Variants in FLNB observed in about 807,000 individuals in gnomAD.
The protein encoded by FLNB is filamin-B.
Under a neutral mutation model 250.6 loss-of-function variants are expected in FLNB, and 111 were observed. The observed-to-expected ratio is 0.44, with a 90% CI of 0.38 to 0.52. The LOEUF (loss-of-function observed/expected upper bound fraction) is 0.52, where lower values mean the gene tolerates loss of function less well. Among genes scored for constraint, FLNB ranks in the 20% least tolerant of loss-of-function variants. The pLI is 0.00. For missense variants in FLNB, 2,869 were observed against 3,447.8 expected, an observed-to-expected ratio of 0.83 and a Z score of 4.20; for synonymous variants, 1,302 against 1,372.1, an observed-to-expected ratio of 0.95 and a Z score of 1.13.
chr3:58,146,200 G>A lies in FLNB; in HGVS notation c.5554+151G>A, dbSNP rs2097335606. The A allele has an allele frequency of 1.3e-5, 12 of 910,782 alleles. No individual in the cohort carries two copies. In the South Asian group the frequency reaches 1.7e-4, roughly 13 times the overall value. The allele number at this position is 910,782 out of a possible 1,614,324, so 56.4% of individuals were successfully genotyped here. ...CGTGTAAATCTGTTTCTTCTTTAGA[G>A]CCGCTTCGTCTTCTACCCAGACAGA... On this transcript the variant is annotated intron_variant, in intron 33 of 45. Transcript: ENST00000295956.
intron 1 of FLNB, among the ~76,000 whole-genome samples, chr3:58,072,505 T>C (rs2097196124): frequency 6.6e-6 from 1 of 152,196 alleles, no homozygotes; most frequent in Non-Finnish European, 1.5e-5. Context: ...TACGTGATGG[T>C]CAGACGTTGT....
intron 25 of FLNB, 73 bp from the exon 26 acceptor site, chr3:58,132,735 A>G (rs1018946089): frequency 2.4e-5 from 38 of 1,601,934 alleles, no homozygotes; most frequent in Admixed American, 3.3e-5. Flanking sequence ...ATGTGGTCCT[A>G]TTTCAGACTC....
rs1009942201 is a variant in FLNB, at chr3:58,156,893, C to T, written c.6888+818C>T. Among the ~76,000 whole-genome samples the T allele has an allele frequency of 1.1e-4, 17 of 152,264 alleles. No homozygotes were observed. The East Asian group carries it at 3.3e-3, about 29-fold the overall frequency. On this transcript the variant is annotated intron_variant, in intron 41 of 45. Transcript: ENST00000295956. ...TGGATTTTTCGTAGAGATGGGGTTG[C>T]ACCATGTTGGCCAGGCTGGTCTCAA...
rs146583950 is a variant in FLNB, at chr3:58,098,812, G to A, written c.1249G>A (p.Val417Met). Residue 417 changes from valine to methionine, a missense_variant, in exon 8 of 46, where the codon GTG (valine) becomes ATG (methionine). This residue lies in a region of FLNB where 1,348 missense variants were observed against 1,466.7 expected (regional missense o/e 0.92). Coordinates refer to ENST00000295956, the MANE Select transcript of FLNB (RefSeq NM_001457.4). The stretch of plus-strand genomic sequence containing the variant: ...CAAAGGAAACCAGGTGTATCGATGT[G>A]TGTACAAACCCATGCAGCCTGGCCC... Reference protein sequence around the residue: ...EDKGNQVYRCVYKPMQPGPHV... With the variant: ...EDKGNQVYRCMYKPMQPGPHV... The A allele has an allele frequency of 2.2e-5, 36 of 1,614,160 alleles. No individual in the cohort carries two copies. The African/African-American group carries it at 3.1e-4, about 14-fold the overall frequency.
intron 15 of FLNB, 94 bp downstream of exon 15, chr3:58,109,793 G>C (rs761313314): frequency 1.3e-6 from 2 of 1,555,582 alleles, no homozygotes; most frequent in Non-Finnish European, 8.9e-7. Context: ...CTAGGAAGTA[G>C]TCCATCTGAA....
Position 58,106,838 on chromosome 3 carries a change from A to G in FLNB, c.1906A>G (p.Ile636Val). 1.2e-6 allele frequency: 2 copies of G among 1,614,048 alleles called. No homozygotes were observed. The highest frequency in any genetic ancestry group is 1.7e-6 in the Non-Finnish European group (2 of 1,180,016). ...DIKDSPYMAF[I>V]HPATGGYNPD... ...CAAGGACAGCCCGTACATGGCCTTC[A>G]TCCACCCAGCCACGGGAGGCTACAA... The change falls in exon 12 of 46, where the codon ATC (isoleucine) becomes GTC (valine). Residue 636 changes from isoleucine (I) to valine (V), a missense_variant. Ile to Val is a conservative substitution (Grantham distance 29). Around this residue, in one of 5 missense-constraint regions of FLNB, gnomAD observed 1,348 missense variants for 1,466.7 expected, o/e 0.92. Coordinates refer to ENST00000295956, the MANE Select transcript of FLNB (RefSeq NM_001457.4).
chr3:58,140,365 T>G (rs1302400815), intron 29 of FLNB, among the ~76,000 whole-genome samples: 1 of 152,208 alleles, frequency 6.6e-6, no homozygotes, highest in Non-Finnish European at 1.5e-5. Context: ...AGATCTTCCT[T>G]CTGACTGATA....
At chr3:58,022,949 C>A (rs760553272) in intron 1 of FLNB, among the ~76,000 whole-genome samples, 1 of 151,496 alleles carries the variant, frequency 6.6e-6, no homozygotes, top group Non-Finnish European at 1.5e-5. Flanking sequence ...TCCCGAGTAG[C>A]TGGGAATATA....
chr3:58,008,663 G>C lies in FLNB; in HGVS notation c.99G>C (p.Val33=). 2 of 1,614,162 alleles carry C rather than the reference G, an allele frequency of 1.2e-6. No homozygotes were observed. The highest frequency in any genetic ancestry group is 1.7e-6 in the Non-Finnish European group (2 of 1,180,020). The change falls in exon 1 of 46, where the codon GTG becomes GTC. Residue 33 remains valine, a synonymous_variant. Transcript: ENST00000295956. ...TRWCNEHLKC[V]NKRIGNLQTD... ...GGTGCAACGAGCACCTCAAGTGCGT[G>C]AACAAACGCATCGGCAACCTGCAGA...
intron 1 of FLNB, among the ~76,000 whole-genome samples, chr3:58,047,833 G>C (rs2097156387): frequency 1.3e-5 from 2 of 152,058 alleles, no homozygotes; most frequent in African/African-American, 4.8e-5. Context: ...CAAAGTGCTA[G>C]GATTACAGGA....
At chr3:58,152,189 G>A (rs916881252) in intron 38 of FLNB, among the ~76,000 whole-genome samples, 1 of 152,064 alleles carries the variant, frequency 6.6e-6, no homozygotes, top group East Asian at 1.9e-4. Context: ...GGTGAGGCTC[G>A]ATTTTCCACT....
At chr3:58,158,991 G>A (rs955386878) in intron 41 of FLNB, among the ~76,000 whole-genome samples, 1 of 151,656 alleles carries the variant, frequency 6.6e-6, no homozygotes, top group Non-Finnish European at 1.5e-5. Context: ...ACTGAGACTC[G>A]AAGAGGTTTG....
At chr3:58,077,371 G>T in intron 2 of FLNB, 77 bp downstream of exon 2, 1 of 1,537,586 alleles carries the variant, frequency 6.5e-7, no homozygotes, top group Non-Finnish European at 8.9e-7. Context: ...TTTTCAACGG[G>T]AATGCTATCT....
intron 28 of FLNB, among the ~76,000 whole-genome samples, chr3:58,136,882 G>T (rs111511410): frequency 6.6e-6 from 1 of 151,100 alleles, no homozygotes; most frequent in South Asian, 2.1e-4. Context: ...ACCATGCCCG[G>T]CTAAGTTTTG....
intron 12 of FLNB, among the ~76,000 whole-genome samples, chr3:58,107,359 G>A (rs1018493080): frequency 2.0e-4 from 31 of 152,164 alleles, no homozygotes; most frequent in African/African-American, 6.8e-4. Flanking sequence ...CCTGGTAGTA[G>A]CACTTAGCAC....
At chr3:58,168,726 G>A in intron 44 of FLNB, 68 bp downstream of exon 44, 1 of 1,148,908 alleles carries the variant, frequency 8.7e-7, no homozygotes, top group Non-Finnish European at 1.3e-6. Flanking sequence ...ATCAATCATA[G>A]TGGAAACTAT....
chr3:58,137,081 A>G (rs1434569989), intron 28 of FLNB, among the ~76,000 whole-genome samples: 1 of 152,172 alleles, frequency 6.6e-6, no homozygotes, highest in African/African-American at 2.4e-5. Context: ...AGCAGATTTT[A>G]AAACACGAAT....
At chr3:58,078,941 C>T in intron 3 of FLNB, 127 bp downstream of exon 3, 1 of 692,426 alleles carries the variant, frequency 1.4e-6, no homozygotes, top group Non-Finnish European at 2.6e-6. Flanking sequence ...GCCTGTGATG[C>T]TCTCTCATCT....
rs937638703 is a variant in FLNB at position 58,128,137 on chromosome 3, G to T, written c.4222+1375G>T. Among the ~76,000 whole-genome samples the T allele has an allele frequency of 8.9e-4, 135 of 152,224 alleles. 3 individuals carry two copies. The highest frequency in any genetic ancestry group is 1.8e-4 in the Non-Finnish European group (12 of 68,038). Reference sequence around the variant, plus strand: ...GGGTCACGCTGAGAGGGGAAGGGCAGGTTGAGGGGCCCACTGCTGGGTTCT... The same window carrying T: ...GGGTCACGCTGAGAGGGGAAGGGCATGTTGAGGGGCCCACTGCTGGGTTCT... On this transcript the variant is annotated intron_variant, in intron 24 of 45. Coordinates refer to ENST00000295956, the MANE Select transcript of FLNB (RefSeq NM_001457.4).
Sources: allele counts gnomAD v4.1 joint callset (sites outside exome capture counted in the v4.1 genomes callset), GRCh38; gene constraint gnomAD v4.1.1; regional missense constraint gnomAD v4.1.1; transcripts MANE v1.5; gene names NCBI Gene and HGNC (gene_info 2026-07-23, HGNC 2026-07-21).